The following PFKL variants were observed in gnomAD, a reference collection of about 807,000 sequenced individuals.
The protein encoded by PFKL is phosphofructokinase, liver type.
PFKL carries 74 observed loss-of-function variants against 92.1 expected under a neutral mutation model. The observed-to-expected ratio is 0.80, with a 90% CI of 0.67 to 0.97. The LOEUF (loss-of-function observed/expected upper bound fraction) is 0.97, where lower values mean the gene tolerates loss of function less well. Among genes scored for constraint, PFKL ranks in the 50% least tolerant of loss-of-function variants. The pLI is 0.00. For missense variants in PFKL, 1,028 were observed against 1,116.6 expected (o/e 0.92, Z 1.13); for synonymous variants, 494 against 456.4 (o/e 1.08, Z -1.05).
At chr21:44,305,004 C>T (rs955111462) in intron 1 of PFKL, among the ~76,000 whole-genome samples, 15 of 152,096 alleles carry the variant, frequency 9.9e-5, no homozygotes, top group Non-Finnish European at 1.6e-4. Flanking sequence ...CGTCTGTGCC[C>T]CTTCTTCTGG....
At position 44,303,441 on chromosome 21, in the gene PFKL, A is replaced by AAAAAAAAAAAGACTTGATCG. The variant is rs1555874963; in HGVS notation, c.86-3230_86-3229insGACTTGATCGAAAAAAAAAA. ...AAAAAAACAGACTTGACCAAAAAAA[A>AAAAAAAAAAAGACTTGATCG]AAAAAAAAAAAAAATGGCCCGGCCT... On this transcript the variant is annotated intron_variant, in intron 1 of 21. Coordinates refer to ENST00000349048, the MANE Select transcript of PFKL (RefSeq NM_002626.6). Among the ~76,000 whole-genome samples the AAAAAAAAAAAGACTTGATCG allele has an allele frequency of 4.2e-3, 410 of 97,104 alleles. 78 individuals carry two copies. The highest frequency in any genetic ancestry group is 0.016 in the African/African-American group (311 of 18,950). 63.7% of individuals were successfully genotyped at this position (97,104 alleles called of 152,430 possible).
At chr21:44,306,617 G>GGGC (rs977976175) in intron 1 of PFKL, 64 bp from the exon 2 acceptor site, 8 of 1,356,440 alleles carry the variant, frequency 5.9e-6, no homozygotes, top group East Asian at 5.3e-5. Flanking sequence ...CCTCTGAGAT[G>GGGC]GGGAGGGTGT....
At chr21:44,323,095 C>A (rs1316923604) in intron 15 of PFKL, 46 bp downstream of exon 15, 1 of 1,465,166 alleles carries the variant, frequency 6.8e-7, no homozygotes, top group South Asian at 1.1e-5. Flanking sequence ...ACAGGAGACC[C>A]AAGGTGTCCT....
Position 44,312,314 on chromosome 21 carries a change from A to AGGGT in PFKL, c.427+20_427+21insGGGT. The stretch of plus-strand genomic sequence containing the variant: ...CGGAAGGTGGGTCTGTGCCCGGCGC[A>AGGGT]CTGTAGGCCCTGGGGTTTTGTTTTG... On this transcript the variant is annotated intron_variant, in intron 4 of 21. Coordinates refer to ENST00000349048, the MANE Select transcript of PFKL (RefSeq NM_002626.6). The AGGGT allele has an allele frequency of 6.4e-7, 1 of 1,561,622 alleles. No individual in the cohort carries two copies. The highest frequency in any genetic ancestry group is 8.6e-7 in the Non-Finnish European group (1 of 1,157,458).
intron 1 of PFKL, 115 bp from the exon 2 acceptor site, chr21:44,306,566 T>C: frequency 1.1e-5 from 7 of 646,218 alleles, no homozygotes; most frequent in Non-Finnish European, 1.3e-5. Context: ...CCACCCGCCC[T>C]CTGAGATGGA....
chr21:44,325,098 TC>T (rs1416084199), intron 18 of PFKL, 54 bp from the exon 19 acceptor site: 8 of 1,340,074 alleles, frequency 6.0e-6, no homozygotes, highest in Admixed American at 3.5e-5. Flanking sequence ...GGACTCAGGA[TC>T]GGGGGGAGAC....
intron 5 of PFKL, 60 bp downstream of exon 5, chr21:44,313,203 G>T: frequency 6.3e-7 from 1 of 1,579,580 alleles, no homozygotes; most frequent in Non-Finnish European, 8.6e-7. Context: ...CGGTGGTGAG[G>T]TGGTCTCAGG....
At position 44,321,764 on chromosome 21, in the gene PFKL, C is replaced by A. The variant is rs1221387086; in HGVS notation, c.1227C>A (p.Ala409=). 1 of 1,593,548 alleles carries A rather than the reference C, an allele frequency of 6.3e-7. No homozygotes were observed. The highest frequency in any genetic ancestry group is 1.1e-5 in the South Asian group (1 of 88,218). Residue 409 remains alanine, a synonymous_variant, in exon 13 of 22, where the codon GCC becomes GCA. Transcript: ENST00000349048. ...NFSLAILNVG[A]PAAGMNAAVR... is the part of the protein sequence containing the mutation. ...CCCTGGCCATCCTGAATGTGGGGGC[C>A]CCGGCGGCTGGCATGAATGCGGCCG...
chr21:44,312,428 G>C, intron 4 of PFKL, 134 bp downstream of exon 4: 1 of 806,962 alleles, frequency 1.2e-6, no homozygotes, highest in Non-Finnish European at 1.9e-6. Flanking sequence ...TCTGGCCGTT[G>C]GCCGGGGAGG....
intron 8 of PFKL, 21 bp downstream of exon 8, chr21:44,316,360 G>A (rs1228985004): frequency 1.2e-6 from 2 of 1,612,174 alleles, no homozygotes; most frequent in Admixed American, 3.3e-5. Context: ...GCCTGGGGGT[G>A]GCCACTGGGC....
intron 7 of PFKL, chr21:44,315,953 T>C: frequency 2.2e-6 from 1 of 453,228 alleles, no homozygotes; most frequent in Non-Finnish European, 4.1e-6. Flanking sequence ...CCCAGCTGTG[T>C]GTGTGCTGGG....
chr21:44,305,961 A>G, intron 1 of PFKL: 2 of 1,315,130 alleles, frequency 1.5e-6, no homozygotes, highest in Non-Finnish European at 1.0e-6. Context: ...GCCCTGGGGC[A>G]GGGCAGTGCT....
intron 11 of PFKL, 154 bp downstream of exon 11, chr21:44,319,569 A>T: frequency 1.5e-6 from 1 of 682,074 alleles, no homozygotes; most frequent in Non-Finnish European, 2.6e-6. Flanking sequence ...CGGGTGGTAC[A>T]GGAGGCGGGC....
In PFKL at chr21:44,300,165, C is replaced by A. The variant is rs2040725037; in HGVS notation, c.60C>A (p.Val20=). Residue 20 remains valine, a synonymous_variant, in exon 1 of 22, where the codon GTC becomes GTA. Transcript: ENST00000349048. ...CGGGCGCGGGCAAGGCCATCGGCGT[C>A]CTGACCAGCGGCGGCGACGCGCAAG... The part of the protein sequence containing the change: ...RASGAGKAIG[V]LTSGGDAQGM... The A allele has an allele frequency of 8.5e-7, 1 of 1,175,580 alleles. No homozygotes were observed. The highest frequency in any genetic ancestry group is 1.6e-5 in the African/African-American group (1 of 60,784). 72.8% of individuals were successfully genotyped at this position (1,175,580 alleles called of 1,614,324 possible).
intron 1 of PFKL, among the ~76,000 whole-genome samples, chr21:44,301,741 T>C (rs9975988): frequency 0.34 from 51,387 of 151,890 alleles, 9,671 homozygotes; most frequent in African/African-American, 0.51. Flanking sequence ...GTGAGGCTGG[T>C]GAAGCCCCAA....
chr21:44,304,225 A>G (rs1460780868), intron 1 of PFKL: 2 of 1,288,574 alleles, frequency 1.6e-6, no homozygotes, highest in Non-Finnish European at 1.0e-6. Flanking sequence ...TTTGGAAGTG[A>G]GGGGTACCCT....
chr21:44,318,001 G>A (rs1281393476), intron 9 of PFKL, among the ~76,000 whole-genome samples: 1 of 152,268 alleles, frequency 6.6e-6, no homozygotes, highest in East Asian at 1.9e-4. Flanking sequence ...TCCCGGGGTG[G>A]GGCTGGGGCC....
chr21:44,304,992 A>G (rs2040890641), intron 1 of PFKL, among the ~76,000 whole-genome samples: 1 of 151,978 alleles, frequency 6.6e-6, no homozygotes, highest in Admixed American at 6.5e-5. Flanking sequence ...TGCCCATTCT[A>G]ACGTCTGTGC....
At chr21:44,322,269 T>G in intron 14 of PFKL, 66 bp downstream of exon 14, 1 of 1,473,390 alleles carries the variant, frequency 6.8e-7, no homozygotes, top group Middle Eastern at 2.3e-4. Context: ...GCCCTGCAGG[T>G]GGGGGCGGCA....
Sources: gnomAD v4.1 joint callset for allele counts (sites outside exome capture counted in the v4.1 genomes callset) on GRCh38, gnomAD v4.1.1 for gene constraint, MANE v1.5 for transcripts, NCBI Gene and HGNC (gene_info 2026-07-23, HGNC 2026-07-21) for gene names.